Variants in SNX13 observed in about 807,000 individuals in gnomAD.
SNX13 encodes sorting nexin 13, also known as sorting nexin-13.
A neutral mutation model predicts 133.6 loss-of-function variants in SNX13; 45 were observed. That is an observed-to-expected ratio of 0.34 (90% CI 0.27 to 0.43). SNX13 has a LOEUF of 0.43. Among genes scored for constraint, SNX13 ranks in the 20% least tolerant of loss-of-function variants. SNX13 has a pLI of 1.00. For missense variants in SNX13, 1,032 were observed against 1,145.1 expected, an observed-to-expected ratio of 0.90 and a Z score of 1.43; for synonymous variants, 414 against 373.9, an observed-to-expected ratio of 1.11 and a Z score of -1.24.
At chr7:17,908,720 G>A (rs1275704209) in intron 1 of SNX13, among the ~76,000 whole-genome samples, 3 of 152,122 alleles carry the variant, frequency 2.0e-5, no homozygotes, top group Non-Finnish European at 4.4e-5. Flanking sequence ...GGTAAATAAA[G>A]CATAGTTTTC....
chr7:17,805,845 A>C (rs1785239969), intron 20 of SNX13, among the ~76,000 whole-genome samples: 1 of 152,190 alleles, frequency 6.6e-6, no homozygotes, highest in South Asian at 2.1e-4. Context: ...CCAAAAGGTA[A>C]AGCCCAAGCA....
At chr7:17,801,009 C>CATATATATATATATATATAT (rs71010273) in intron 22 of SNX13, among the ~76,000 whole-genome samples, 3 of 120,224 alleles carry the variant, frequency 2.5e-5, no homozygotes, top group East Asian at 2.2e-4. Flanking sequence ...TAAAACTGAA[C>CATATATATATATATATATAT]ATATATATAT....
At chr7:17,927,261 G>A (rs1166975383) in intron 1 of SNX13, among the ~76,000 whole-genome samples, 1 of 150,386 alleles carries the variant, frequency 6.6e-6, no homozygotes, top group Non-Finnish European at 1.5e-5. Flanking sequence ...ATATATATTA[G>A]AAACAGTGTC....
At chr7:17,910,140 C>T (rs1798808734) in intron 1 of SNX13, among the ~76,000 whole-genome samples, 1 of 152,106 alleles carries the variant, frequency 6.6e-6, no homozygotes, top group Admixed American at 6.5e-5. Context: ...TTCAGTGTTG[C>T]TATTTCTTTT....
At chr7:17,921,742 C>A (rs140587840) in intron 1 of SNX13, among the ~76,000 whole-genome samples, 5 of 152,218 alleles carry the variant, frequency 3.3e-5, no homozygotes, top group African/African-American at 1.2e-4. Context: ...GTGAGCCATG[C>A]ATCAGAATTT....
At chr7:17,819,173 T>C (rs1361975966) in intron 18 of SNX13, among the ~76,000 whole-genome samples, 1 of 152,190 alleles carries the variant, frequency 6.6e-6, no homozygotes, top group Non-Finnish European at 1.5e-5. Context: ...CCATAAAATA[T>C]CAAATAAGAT....
intron 16 of SNX13, among the ~76,000 whole-genome samples, 194 bp from the exon 17 acceptor site, chr7:17,826,285 A>C (rs1439716622): frequency 6.6e-6 from 1 of 152,016 alleles, no homozygotes; most frequent in African/African-American, 2.4e-5. Context: ...GCAAAGATTA[A>C]GAAACAATAA....
In SNX13 at chr7:17,850,839, A is replaced by G; in HGVS notation, c.963T>C (p.Asp321=). The change falls in exon 10 of 26, where the codon GAT becomes GAC. Residue 321 remains aspartate, a synonymous_variant. Transcript: ENST00000428135. ...AEELQYLRSL[D]TAGDDINTIK... ...TACATTACTTACCATCACCAGCTGT[A>G]TCTAGAGATCTAAGATACTGTAATT... is the stretch of plus-strand genomic sequence containing the variant. 1 of 1,595,016 alleles carries G rather than the reference A, an allele frequency of 6.3e-7. No homozygotes were observed. Among genetic ancestry groups the G allele is most frequent in the Non-Finnish European group, 8.5e-7 (1 of 1,174,218 alleles).
chr7:17,867,871 GA>G (rs924241632), intron 9 of SNX13, among the ~76,000 whole-genome samples: 7 of 150,406 alleles, frequency 4.7e-5, no homozygotes, highest in Non-Finnish European at 1.0e-4. Context: ...ACATTATAAA[GA>G]AAAAAAAATA....
chr7:17,881,454 G>A (rs761459372), intron 5 of SNX13: 1 of 151,768 alleles, frequency 6.6e-6, no homozygotes, highest in Non-Finnish European at 1.5e-5. Flanking sequence ...TTCAACAAAA[G>A]GTCTTTATCT....
At position 17,803,587 on chromosome 7, in the gene SNX13, G is replaced by C; in HGVS notation, c.2065-7C>G. On this transcript the variant is annotated splice_polypyrimidine_tract_variant and splice_region_variant and intron_variant, in intron 20 of 25. Transcript: ENST00000428135. ...GATTTACAAAAGTGTCCATCTAAAG[G>C]GAAAAAAGATATTATACCATGACTT... is the stretch of plus-strand genomic sequence containing the variant. 6.3e-7 allele frequency: 1 copy of C among 1,592,634 alleles called. No individual in the cohort carries two copies. Among genetic ancestry groups the C allele is most frequent in the Non-Finnish European group, 8.5e-7 (1 of 1,170,996 alleles).
chr7:17,927,354 C>T lies in SNX13; in HGVS notation c.12+12930G>A, dbSNP rs182245445. ...AACACCTGGACTCCAGCAATCCTCC[C>T]GCCTCAGCCTCCTGAGTAGCTAGGA... On this transcript the variant is annotated intron_variant, in intron 1 of 25. Coordinates refer to ENST00000428135, the MANE Select transcript of SNX13 (RefSeq NM_015132.5). Among the ~76,000 whole-genome samples, 638 of 151,984 alleles carry T rather than the reference C, an allele frequency of 4.2e-3. 1 individual carries two copies. The highest frequency in any genetic ancestry group is 0.015 in the African/African-American group (610 of 41,478).
intron 1 of SNX13, among the ~76,000 whole-genome samples, chr7:17,906,810 T>C (rs1798451143): frequency 6.6e-6 from 1 of 152,160 alleles, no homozygotes; most frequent in African/African-American, 2.4e-5. Context: ...CAAAGGTCAG[T>C]TCCAATTACC....
chr7:17,883,288 A>C (rs1382874063), intron 5 of SNX13, among the ~76,000 whole-genome samples: 1 of 152,230 alleles, frequency 6.6e-6, no homozygotes, highest in South Asian at 2.1e-4. Flanking sequence ...TTTCAGGAGT[A>C]CAAAAAACAA....
intron 9 of SNX13, among the ~76,000 whole-genome samples, chr7:17,867,870 A>C (rs1793591638): frequency 6.6e-6 from 1 of 152,078 alleles, no homozygotes; most frequent in African/African-American, 2.4e-5. Context: ...TACATTATAA[A>C]GAAAAAAAAA....
intron 1 of SNX13, among the ~76,000 whole-genome samples, chr7:17,929,459 C>T (rs915141120): frequency 6.6e-6 from 1 of 151,878 alleles, no homozygotes; most frequent in Non-Finnish European, 1.5e-5. Context: ...TTTGTAATAC[C>T]TTAGCCCTAA....
intron 12 of SNX13, among the ~76,000 whole-genome samples, chr7:17,845,153 T>TACACACAC (rs71010276): frequency 2.5e-4 from 37 of 148,906 alleles, no homozygotes; most frequent in African/African-American, 8.9e-4. Flanking sequence ...TGCGTGTGTG[T>TACACACAC]ACACACACAC....
At chr7:17,818,679 TATATC>T (rs1176635223) in intron 18 of SNX13, among the ~76,000 whole-genome samples, 3 of 152,124 alleles carry the variant, frequency 2.0e-5, no homozygotes, top group Admixed American at 2.0e-4. Flanking sequence ...TAAAATAAAT[TATATC>T]AGAGGATTTC....
At chr7:17,820,694 A>T (rs1381009270) in intron 18 of SNX13, among the ~76,000 whole-genome samples, 2 of 152,126 alleles carry the variant, frequency 1.3e-5, no homozygotes, top group African/African-American at 4.8e-5. Flanking sequence ...ATAATTTCTG[A>T]TTTCTAAAGT....
Sources: gnomAD v4.1 joint callset for allele counts (sites outside exome capture counted in the v4.1 genomes callset) on GRCh38, gnomAD v4.1.1 for gene constraint, MANE v1.5 for transcripts, NCBI Gene and HGNC (gene_info 2026-07-23, HGNC 2026-07-21) for gene names.